The following ST6GALNAC3 variants were observed in gnomAD, a reference collection of about 807,000 sequenced individuals.
ST6GALNAC3 encodes alpha-N-acetylgalactosaminide alpha-2,6-sialyltransferase 3.
A neutral mutation model predicts 32.7 loss-of-function variants in ST6GALNAC3; 25 were observed. The observed-to-expected ratio is 0.76, with a 90% confidence interval of 0.56 to 1.07. The LOEUF (loss-of-function observed/expected upper bound fraction) is 1.07, where lower values mean the gene tolerates loss of function less well. ST6GALNAC3 is among the 50% of genes least tolerant of loss of function. The pLI, the probability that ST6GALNAC3 is intolerant of heterozygous loss-of-function variation, is 0.00. For missense variants in ST6GALNAC3, 355 were observed against 382.4 expected, an observed-to-expected ratio of 0.93 and a Z score of 0.60; for synonymous variants, 129 against 133.1, an observed-to-expected ratio of 0.97 and a Z score of 0.21.
chr1:76,436,599 G>T (rs1231108749), intron 3 of ST6GALNAC3, among the ~76,000 whole-genome samples: 3 of 152,134 alleles, frequency 2.0e-5, no homozygotes, highest in Non-Finnish European at 4.4e-5. Context: ...AAACATAAAT[G>T]TTGGGGCTTT....
chr1:76,455,162 G>T (rs979085021), intron 3 of ST6GALNAC3, among the ~76,000 whole-genome samples: 2 of 151,678 alleles, frequency 1.3e-5, no homozygotes, highest in Non-Finnish European at 2.9e-5. Flanking sequence ...ATAACAACCT[G>T]TTCTTATTTT....
At chr1:76,594,176 T>A (rs1014542014) in intron 3 of ST6GALNAC3, among the ~76,000 whole-genome samples, 4 of 152,178 alleles carry the variant, frequency 2.6e-5, no homozygotes, top group Admixed American at 6.6e-5. Context: ...ATGCTTTTTT[T>A]AGGAGTATAA....
intron 3 of ST6GALNAC3, among the ~76,000 whole-genome samples, chr1:76,429,791 CTGTTCAAG>C (rs1239033431): frequency 7.6e-4 from 115 of 152,260 alleles, no homozygotes; most frequent in African/African-American, 2.7e-3. Flanking sequence ...AAAACAGAGA[CTGTTCAAG>C]TAAATACAGG....
chr1:76,215,186 A>G (rs960208632), intron 1 of ST6GALNAC3, among the ~76,000 whole-genome samples: 5 of 152,200 alleles, frequency 3.3e-5, no homozygotes, highest in African/African-American at 1.2e-4. Context: ...ACCTTAGTAG[A>G]CAAAAAGATA....
At chr1:76,123,917 T>G (rs1649062328) in intron 1 of ST6GALNAC3, among the ~76,000 whole-genome samples, 2 of 151,784 alleles carry the variant, frequency 1.3e-5, no homozygotes, top group African/African-American at 4.8e-5. Context: ...GCCTGGCTAA[T>G]TTTTGTATTT....
At chr1:76,418,608 A>T (rs1048198961) in intron 3 of ST6GALNAC3, among the ~76,000 whole-genome samples, 4 of 150,606 alleles carry the variant, frequency 2.7e-5, no homozygotes, top group African/African-American at 7.3e-5. Flanking sequence ...AGTATTTTCC[A>T]TTTTTTTTTC....
At chr1:76,527,870 C>T (rs1329122361) in intron 3 of ST6GALNAC3, among the ~76,000 whole-genome samples, 1 of 151,966 alleles carries the variant, frequency 6.6e-6, no homozygotes, top group Non-Finnish European at 1.5e-5. Context: ...GATAACGTCT[C>T]CAAAAGAAGA....
chr1:76,311,589 G>A (rs928098949), intron 1 of ST6GALNAC3, among the ~76,000 whole-genome samples: 1 of 152,074 alleles, frequency 6.6e-6, no homozygotes, highest in African/African-American at 2.4e-5. Flanking sequence ...CTTCATCCAT[G>A]TCCCTGCAAA....
intron 1 of ST6GALNAC3, among the ~76,000 whole-genome samples, chr1:76,245,245 G>T (rs1657191393): frequency 6.6e-6 from 1 of 152,072 alleles, no homozygotes; most frequent in Non-Finnish European, 1.5e-5. Flanking sequence ...ATTGTCTGAT[G>T]GTAGTTTGCA....
chr1:76,207,796 G>A (rs1557696760), intron 1 of ST6GALNAC3, among the ~76,000 whole-genome samples: 1 of 152,206 alleles, frequency 6.6e-6, no homozygotes, highest in Non-Finnish European at 1.5e-5. Context: ...CAAATTGATG[G>A]TAAATAATGA....
chr1:76,366,954 A>G (rs1272149481), intron 2 of ST6GALNAC3, among the ~76,000 whole-genome samples: 1 of 152,084 alleles, frequency 6.6e-6, no homozygotes, highest in Non-Finnish European at 1.5e-5. Context: ...GGAAGTGACC[A>G]CTCTAGCCAT....
intron 1 of ST6GALNAC3, among the ~76,000 whole-genome samples, chr1:76,285,923 C>G (rs745540726): frequency 3.5e-4 from 54 of 152,178 alleles, no homozygotes; most frequent in Non-Finnish European, 5.1e-4. Context: ...CCCCCTCCCC[C>G]ATCTGGACCC....
intron 3 of ST6GALNAC3, among the ~76,000 whole-genome samples, chr1:76,520,662 T>A (rs1275046046): frequency 6.6e-6 from 1 of 152,182 alleles, no homozygotes; most frequent in Non-Finnish European, 1.5e-5. Context: ...TGGCTAAGTT[T>A]TTTTTTTAAT....
At chr1:76,585,563 G>A (rs1390551630) in intron 3 of ST6GALNAC3, among the ~76,000 whole-genome samples, 1 of 152,008 alleles carries the variant, frequency 6.6e-6, no homozygotes, top group Non-Finnish European at 1.5e-5. Context: ...TGGGTGGAAG[G>A]GCAAACACAG....
At position 76,531,109 on chromosome 1, in the gene ST6GALNAC3, T is replaced by A. The variant is rs1046177452; in HGVS notation, c.624-96343T>A. ...AGGGTGGCTGTCTGCTGTCAGCTGC[T>A]GTTACCCAGCAAGGGGTGAGAAGCC... On this transcript the variant is annotated intron_variant, in intron 3 of 4. Coordinates refer to ENST00000328299, the MANE Select transcript of ST6GALNAC3 (RefSeq NM_152996.4). 9.8e-5 allele frequency among the ~76,000 whole-genome samples: 15 copies of A among 152,336 alleles called. No homozygotes were observed. The East Asian group carries it at 1.2e-3, about 12-fold the overall frequency.
chr1:76,108,343 AT>A (rs1647680339), intron 1 of ST6GALNAC3, among the ~76,000 whole-genome samples: 1 of 152,244 alleles, frequency 6.6e-6, no homozygotes, highest in Admixed American at 6.5e-5. Context: ...AATTCACAGA[AT>A]ACATAACATG....
intron 3 of ST6GALNAC3, among the ~76,000 whole-genome samples, chr1:76,502,658 T>C (rs1661241569): frequency 6.6e-6 from 1 of 152,192 alleles, no homozygotes; most frequent in Non-Finnish European, 1.5e-5. Context: ...AATTTCAACT[T>C]AATTACCTCT....
intron 2 of ST6GALNAC3, among the ~76,000 whole-genome samples, chr1:76,333,985 C>T (rs752381828): frequency 6.6e-6 from 1 of 152,150 alleles, no homozygotes; most frequent in African/African-American, 2.4e-5. Context: ...CACAAGCAAT[C>T]TAACCTAAAA....
intron 2 of ST6GALNAC3, among the ~76,000 whole-genome samples, chr1:76,410,763 C>G (rs1329419064): frequency 6.6e-6 from 1 of 152,124 alleles, no homozygotes; most frequent in Non-Finnish European, 1.5e-5. Context: ...TATCTTACCT[C>G]TCAGTGTAGT....
Sources: allele counts gnomAD v4.1 joint callset (sites outside exome capture counted in the v4.1 genomes callset), GRCh38; gene constraint gnomAD v4.1.1; transcripts MANE v1.5; gene names NCBI Gene and HGNC (gene_info 2026-07-23, HGNC 2026-07-21).